Variants in NCOA6 observed in about 807,000 individuals in gnomAD.
NCOA6 encodes nuclear receptor coactivator 6, also known as NRC RAP250.
Under a neutral mutation model 171.4 loss-of-function variants are expected in NCOA6, and 49 were observed. The observed-to-expected ratio is 0.29, with a 90% CI of 0.23 to 0.36. The LOEUF (loss-of-function observed/expected upper bound fraction) is 0.36, where lower values mean the gene tolerates loss of function less well. Ranked by LOEUF, NCOA6 falls within the 10% of genes least tolerant of loss-of-function variation. NCOA6 has a pLI of 1.00. For synonymous variants in NCOA6, 910 were observed against 927.5 expected, an observed-to-expected ratio of 0.98 and a Z score of 0.34; for missense variants, 2,248 against 2,554.5, an observed-to-expected ratio of 0.88 and a Z score of 2.59.
chr20:34,768,625 A>C, intron 4 of NCOA6, 39 bp from the exon 5 acceptor site: 3 of 1,607,968 alleles, frequency 1.9e-6, no homozygotes, highest in South Asian at 2.2e-5. Context: ...AATCATTAGA[A>C]TAAAATGCAA....
intron 1 of NCOA6, among the ~76,000 whole-genome samples, chr20:34,811,036 C>T (rs990581299): frequency 1.3e-5 from 2 of 151,036 alleles, no homozygotes. Context: ...TTAGTCATGG[C>T]TGTCCCATAA....
chr20:34,773,990 A>G (rs1035023267), intron 4 of NCOA6, among the ~76,000 whole-genome samples: 3 of 152,220 alleles, frequency 2.0e-5, no homozygotes, highest in Non-Finnish European at 4.4e-5. Flanking sequence ...TGTGATAATC[A>G]TTGTCATATG....
Position 34,765,125 on chromosome 20 carries a change from A to G in NCOA6, c.514+3339T>C, listed in dbSNP as rs527422608. Among the ~76,000 whole-genome samples, 1,262 of 144,294 alleles carry G rather than the reference A, an allele frequency of 8.7e-3. 15 individuals carry two copies. Among genetic ancestry groups the G allele is most frequent in the Non-Finnish European group, 0.013 (848 of 66,258 alleles). 94.7% of individuals were successfully genotyped at this position (144,294 alleles called of 152,430 possible). A position where few individuals can be genotyped will look rare whatever the true frequency, so the allele number is the denominator to read the frequency against. On this transcript the variant is annotated intron_variant, in intron 5 of 14. Coordinates refer to ENST00000359003, the MANE Select transcript of NCOA6 (RefSeq NM_014071.5). ...GATGGAGTGAGACTGCTTCACAAGAAAAAAAAAAAAAGAGAAAGCTCTCAT... is the reference window on the plus strand; with the variant it reads ...GATGGAGTGAGACTGCTTCACAAGAGAAAAAAAAAAAGAGAAAGCTCTCAT...
At chr20:34,733,850 C>CAAA (rs60649247) in intron 12 of NCOA6, among the ~76,000 whole-genome samples, 6 of 44,382 alleles carry the variant, frequency 1.4e-4, no homozygotes, top group South Asian at 1.4e-3. Flanking sequence ...GACTCTGTCC[C>CAAA]AAAAAAAAAA....
intron 11 of NCOA6, 25 bp downstream of exon 11, chr20:34,740,338 A>T (rs1170872826): frequency 6.3e-7 from 1 of 1,590,258 alleles, no homozygotes; most frequent in Admixed American, 1.7e-5. Context: ...TGACACAAAG[A>T]GATGATGAAG....
At chr20:34,770,139 A>C (rs1424598142) in intron 4 of NCOA6, among the ~76,000 whole-genome samples, 1 of 151,734 alleles carries the variant, frequency 6.6e-6, no homozygotes, top group Admixed American at 6.6e-5. Flanking sequence ...TCCCAGGTTC[A>C]AGCGATTCTC....
chr20:34,751,376 C>CAAAAAAAAAAAAAAAGAAAAAAAAA (rs2076478812), intron 8 of NCOA6, among the ~76,000 whole-genome samples: 1 of 68,294 alleles, frequency 1.5e-5, no homozygotes, highest in Non-Finnish European at 2.8e-5. Flanking sequence ...GACTCCGTCT[C>CAAAAAAAAAAAAAAAGAAAAAAAAA]AAAAAAAAAA....
chr20:34,801,298 A>C (rs890936873), intron 1 of NCOA6, among the ~76,000 whole-genome samples: 3 of 152,194 alleles, frequency 2.0e-5, no homozygotes, highest in Non-Finnish European at 4.4e-5. Context: ...ATCTTAAAGA[A>C]TTAGAAAAGC....
chr20:34,742,456 T>C lies in NCOA6; in HGVS notation c.3800A>G (p.Asn1267Ser). The C allele has an allele frequency of 6.2e-7, 1 of 1,614,226 alleles. No homozygotes were observed. The highest frequency in any genetic ancestry group is 8.5e-7 in the Non-Finnish European group (1 of 1,180,042). ...TAGGCCTTGTTGATCAAAGCCCCTG[T>C]TTAAATTTGGCCTAGGAGGTAAAGG... ...NIPLPPRPNL[N>S]RGFDQQGLNP... is the part of the protein sequence containing the mutation. Residue 1267 changes from asparagine (N) to serine (S), a missense_variant, in exon 11 of 15, where the codon AAC (asparagine) becomes AGC (serine). Asn to Ser is a conservative substitution (Grantham distance 46). This residue lies in a region of NCOA6 where 14 missense variants were observed against 17.6 expected (regional missense o/e 0.80). Coordinates refer to ENST00000359003, the MANE Select transcript of NCOA6 (RefSeq NM_014071.5).
At chr20:34,804,606 G>C (rs575781234) in intron 1 of NCOA6, among the ~76,000 whole-genome samples, 35 of 151,636 alleles carry the variant, frequency 2.3e-4, no homozygotes, top group African/African-American at 4.8e-4. Context: ...TTCCCATTGA[G>C]ACTAATGTTT....
At chr20:34,724,128 A>T (rs1355397108) in intron 14 of NCOA6, among the ~76,000 whole-genome samples, 1 of 152,132 alleles carries the variant, frequency 6.6e-6, no homozygotes, top group African/African-American at 2.4e-5. Context: ...CTGCCTAGAG[A>T]TGATTCCCAG....
At chr20:34,804,259 T>G (rs1010812484) in intron 1 of NCOA6, among the ~76,000 whole-genome samples, 1 of 147,852 alleles carries the variant, frequency 6.8e-6, no homozygotes, top group East Asian at 2.1e-4. Context: ...ATCATTTGAA[T>G]CCAGGAGGTG....
At chr20:34,780,656 A>G (rs1204597906) in intron 3 of NCOA6, among the ~76,000 whole-genome samples, 1 of 126,752 alleles carries the variant, frequency 7.9e-6, no homozygotes, top group Non-Finnish European at 1.7e-5. Context: ...ACCTTTATTT[A>G]TTATTTATTT....
intron 13 of NCOA6, 46 bp from the exon 14 acceptor site, chr20:34,727,453 G>T (rs759985493): frequency 6.2e-7 from 1 of 1,604,276 alleles, no homozygotes; most frequent in Non-Finnish European, 8.5e-7. Context: ...AGGGAACCAG[G>T]CCACACAAAA....
intron 14 of NCOA6, 58 bp downstream of exon 14, chr20:34,727,200 TG>T: frequency 6.4e-7 from 1 of 1,562,760 alleles, no homozygotes; most frequent in Non-Finnish European, 8.7e-7. Flanking sequence ...TCTACTGCTG[TG>T]GTAAGAACTC....
intron 11 of NCOA6, among the ~76,000 whole-genome samples, chr20:34,738,746 G>C (rs372308043): frequency 6.6e-6 from 1 of 152,220 alleles, no homozygotes; most frequent in Non-Finnish European, 1.5e-5. Flanking sequence ...AATTCTGGGA[G>C]GTAGAATGTA....
At chr20:34,787,402 T>A (rs2077720306) in intron 2 of NCOA6, among the ~76,000 whole-genome samples, 2 of 152,022 alleles carry the variant, frequency 1.3e-5, no homozygotes, top group Non-Finnish European at 2.9e-5. Context: ...GATGCACACC[T>A]GTAGTCCCAG....
chr20:34,748,921 T>C (rs924942954), intron 9 of NCOA6, among the ~76,000 whole-genome samples: 2 of 152,142 alleles, frequency 1.3e-5, no homozygotes, highest in Non-Finnish European at 2.9e-5. Flanking sequence ...CTTTGTGGAG[T>C]TGCCATATGG....
Position 34,758,845 on chromosome 20 carries a change from T to G in NCOA6, c.603A>C (p.Pro201=), listed in dbSNP as rs2076730593. The G allele has an allele frequency of 1.2e-6, 2 of 1,613,074 alleles. No homozygotes were observed. Among genetic ancestry groups the G allele is most frequent in the Non-Finnish European group, 8.5e-7 (1 of 1,179,792 alleles). Residue 201 remains proline, a synonymous_variant, in exon 6 of 15, where the codon CCA becomes CCC. Transcript: ENST00000359003. The part of the protein sequence containing the change: ...SSSMMAPGPN[P]ELQPRTPRPA... ...GGCGAGGAGTCCTGGGCTGCAGCTC[T>G]GGATTGGGGCCTGGTGCCATCATGG... is the stretch of plus-strand genomic sequence containing the variant.
Sources: gnomAD v4.1 joint callset for allele counts (sites outside exome capture counted in the v4.1 genomes callset) on GRCh38, gnomAD v4.1.1 for gene constraint, gnomAD v4.1.1 regional missense constraint, MANE v1.5 for transcripts, NCBI Gene and HGNC (gene_info 2026-07-23, HGNC 2026-07-21) for gene names.